MINDY4: variants seen among roughly 807,000 people sequenced by gnomAD.
The protein encoded by MINDY4 is probable ubiquitin carboxyl-terminal hydrolase MINDY-4.
A neutral mutation model predicts 87.0 loss-of-function variants in MINDY4; 68 were observed. The ratio of observed to expected loss-of-function variants is 0.78; its 90% CI spans 0.64 to 0.96. The LOEUF is 0.96. MINDY4 is among the 40% of genes least tolerant of loss of function. The pLI, the probability that MINDY4 is intolerant of heterozygous loss-of-function variation, is 0.00. For missense variants in MINDY4, 919 were observed against 928.2 expected, an observed-to-expected ratio of 0.99 and a Z score of 0.13; for synonymous variants, 379 against 363.2, an observed-to-expected ratio of 1.04 and a Z score of -0.50.
chr7:30,867,824 GT>G (rs1789986952), intron 13 of MINDY4, among the ~76,000 whole-genome samples: 1 of 152,144 alleles, frequency 6.6e-6, no homozygotes, highest in African/African-American at 2.4e-5. Context: ...AGCTGGTTGG[GT>G]CTCCCCAGGG....
rs1162937646 is a variant in MINDY4 at position 30,785,828 on chromosome 7, A to G, written c.499A>G (p.Thr167Ala). The change falls in exon 4 of 18, where the codon ACG becomes GCG. Residue 167 changes from threonine (T) to alanine (A), a missense_variant. Transcript: ENST00000265299. ...RPPHKSKPMQ[T>A]VPGETPVLTS... is the part of the protein sequence containing the mutation. The stretch of plus-strand genomic sequence containing the variant: ...CCCGCACAAAAGTAAGCCCATGCAG[A>G]CGGTCCCGGGTGAAACTCCTGTGTT... 6.2e-7 allele frequency: 1 copy of G among 1,614,228 alleles called. No homozygotes were observed. Among genetic ancestry groups the G allele is most frequent in the Non-Finnish European group, 8.5e-7 (1 of 1,180,042 alleles).
At chr7:30,799,166 G>A (rs1042421908) in intron 5 of MINDY4, among the ~76,000 whole-genome samples, 1 of 152,038 alleles carries the variant, frequency 6.6e-6, no homozygotes, top group African/African-American at 2.4e-5. Flanking sequence ...GTAAATGAAG[G>A]GGTAGGATGG....
intron 5 of MINDY4, among the ~76,000 whole-genome samples, chr7:30,824,039 A>C (rs1788421563): frequency 6.6e-6 from 1 of 152,222 alleles, no homozygotes; most frequent in African/African-American, 2.4e-5. Context: ...CTGATATTTC[A>C]TCAAATATAT....
intron 5 of MINDY4, among the ~76,000 whole-genome samples, chr7:30,825,828 A>G (rs999722217): frequency 3.3e-5 from 5 of 152,246 alleles, no homozygotes; most frequent in South Asian, 2.1e-4. Context: ...CTGCCATAAC[A>G]AATTACCACA....
At chr7:30,865,617 C>T (rs1789909654) in intron 13 of MINDY4, among the ~76,000 whole-genome samples, 1 of 152,216 alleles carries the variant, frequency 6.6e-6, no homozygotes, top group South Asian at 2.1e-4. Context: ...GTGCAGACAC[C>T]TGAATCTGGA....
rs562908040 is a variant in MINDY4, at chr7:30,774,297, C to G, written c.63+2741C>G. ...ACCTTCCTGGGCTGCACCATTCACT[C>G]TGCTCTCTTTAGTGTTCTTGTGGAT... is the stretch of plus-strand genomic sequence containing the variant. On this transcript the variant is annotated intron_variant, in intron 1 of 17. Coordinates refer to ENST00000265299, the MANE Select transcript of MINDY4 (RefSeq NM_032222.3). Among the ~76,000 whole-genome samples, 194 of 152,332 alleles carry G rather than the reference C, an allele frequency of 1.3e-3. 1 individual carries two copies. Among genetic ancestry groups the G allele is most frequent in the South Asian group, 2.3e-3 (11 of 4,824 alleles).
Position 30,869,396 on chromosome 7 carries a change from G to T in MINDY4, c.1746-2847G>T, listed in dbSNP as rs188060588. 1.8e-4 allele frequency among the ~76,000 whole-genome samples: 28 copies of T among 152,308 alleles called. No homozygotes were observed. The East Asian group carries it at 5.2e-3, about 28-fold the overall frequency. ...CTGTAGTATTGCATTTGAAGAAAGG[G>T]CTCTGAATCTAAAAAGATGTTGGAG... On this transcript the variant is annotated intron_variant, in intron 13 of 17. Transcript: ENST00000265299.
chr7:30,890,147 G>A (rs1790754719), intron 17 of MINDY4, among the ~76,000 whole-genome samples: 1 of 152,252 alleles, frequency 6.6e-6, no homozygotes, highest in Admixed American at 6.5e-5. Context: ...GCCCCAAACA[G>A]TGTAACATTC....
At chr7:30,815,958 A>G (rs1788135284) in intron 5 of MINDY4, among the ~76,000 whole-genome samples, 1 of 152,164 alleles carries the variant, frequency 6.6e-6, no homozygotes, top group South Asian at 2.1e-4. Context: ...GATTAAAATA[A>G]ACCAAGATGA....
chr7:30,803,879 C>T (rs1787731189), intron 5 of MINDY4, among the ~76,000 whole-genome samples: 1 of 152,208 alleles, frequency 6.6e-6, no homozygotes, highest in Non-Finnish European at 1.5e-5. Context: ...ATAGCTCCAC[C>T]TAAGGATCAT....
intron 5 of MINDY4, among the ~76,000 whole-genome samples, chr7:30,822,310 A>G (rs572387992): frequency 6.6e-6 from 1 of 152,018 alleles, no homozygotes; most frequent in East Asian, 1.9e-4. Context: ...AGATGGGACT[A>G]CAGGCTCACA....
At chr7:30,861,303 C>G (rs1020684366) in intron 13 of MINDY4, among the ~76,000 whole-genome samples, 2 of 152,228 alleles carry the variant, frequency 1.3e-5, no homozygotes, top group Non-Finnish European at 2.9e-5. Context: ...AGGATAGCGT[C>G]TGTGAAGCTT....
intron 5 of MINDY4, among the ~76,000 whole-genome samples, chr7:30,820,556 G>T (rs538484011): frequency 6.6e-6 from 1 of 151,990 alleles, no homozygotes; most frequent in Non-Finnish European, 1.5e-5. Context: ...GGCAACTACC[G>T]ATCTGTGATA....
intron 7 of MINDY4, among the ~76,000 whole-genome samples, chr7:30,838,990 T>G (rs1788952570): frequency 6.6e-6 from 1 of 152,186 alleles, no homozygotes; most frequent in Admixed American, 6.5e-5. Flanking sequence ...TTAAAGATGT[T>G]CCAGAGGTAA....
chr7:30,878,244 A>G (rs1471632157), intron 15 of MINDY4, among the ~76,000 whole-genome samples: 1 of 152,086 alleles, frequency 6.6e-6, no homozygotes, highest in Non-Finnish European at 1.5e-5. Flanking sequence ...GAAGCCTCTC[A>G]CTTGCAGCTT....
intron 5 of MINDY4, among the ~76,000 whole-genome samples, chr7:30,824,141 T>C (rs1479766601): frequency 1.3e-5 from 2 of 152,212 alleles, no homozygotes; most frequent in Non-Finnish European, 1.5e-5. Context: ...CCTACAGTTC[T>C]GGAGGTTGGA....
Position 30,883,004 on chromosome 7 carries a change from C to T in MINDY4, c.2225+11C>T, listed in dbSNP as rs373735086. 8.7e-6 allele frequency: 14 copies of T among 1,613,286 alleles called. No individual in the cohort carries two copies. In the African/African-American group the frequency reaches 9.3e-5, roughly 11 times the overall value. On this transcript the variant is annotated intron_variant, in intron 17 of 17. Transcript: ENST00000265299. ...CTGCATCAGAACCAAGTGAGTCAAG[C>T]CCCTCTCTGGCTTTGAGCCTCACCC... is the stretch of plus-strand genomic sequence containing the variant.
At chr7:30,805,193 C>T (rs942881074) in intron 5 of MINDY4, among the ~76,000 whole-genome samples, 12 of 152,000 alleles carry the variant, frequency 7.9e-5, no homozygotes, top group African/African-American at 2.4e-4. Context: ...CCTGGATGTG[C>T]CAGAGGGGTA....
In MINDY4 at chr7:30,818,570, C is replaced by T. The variant is rs189407581; in HGVS notation, c.1074-10109C>T. ...GCCCAGAGAAGCTGGACACTTGCCT[C>T]TCCTGCACAGACTTTTAGTGTGTCA... On this transcript the variant is annotated intron_variant, in intron 5 of 17. Transcript: ENST00000265299. Among the ~76,000 whole-genome samples, 3 of 152,326 alleles carry T rather than the reference C, an allele frequency of 2.0e-5. No homozygotes were observed. In the East Asian group the frequency reaches 5.8e-4, roughly 29 times the overall value.
Sources: allele counts gnomAD v4.1 joint callset (sites outside exome capture counted in the v4.1 genomes callset), GRCh38; gene constraint gnomAD v4.1.1; transcripts MANE v1.5; gene names NCBI Gene and HGNC (gene_info 2026-07-23, HGNC 2026-07-21).